CLRN1: variants seen among roughly 807,000 people sequenced by gnomAD.
CLRN1 encodes clarin 1.
In CLRN1, 15 loss-of-function variants were observed where a neutral mutation model predicts 18.7. The ratio of observed to expected loss-of-function variants is 0.80; its 90% CI spans 0.54 to 1.23. The LOEUF (loss-of-function observed/expected upper bound fraction) is 1.23. Ranked by LOEUF, CLRN1 falls within the 50% of genes most tolerant of loss-of-function variation. The pLI is 0.00. For missense variants in CLRN1, 311 were observed against 277.5 expected, an observed-to-expected ratio of 1.12 and a Z score of -0.86; for synonymous variants, 104 against 102.9, an observed-to-expected ratio of 1.01 and a Z score of -0.07.
rs1313040321 is a variant in CLRN1 at position 150,927,650 on chromosome 3, A to G, written c.*286T>C. 1.2e-5 allele frequency: 7 copies of G among 566,950 alleles called. No homozygotes were observed. In the African/African-American group the frequency reaches 1.3e-4, roughly 11 times the overall value. 35.1% of individuals were successfully genotyped at this position (566,950 alleles called of 1,614,324 possible). On this transcript the variant is annotated 3_prime_UTR_variant, in exon 3 of 3. Transcript: ENST00000327047. ...ACATCTTACACACACACACACACAC[A>G]CACACACACATATATATATATGGAG...
intron 1 of CLRN1, among the ~76,000 whole-genome samples, chr3:150,971,188 CT>C (rs751379341): frequency 8.6e-5 from 13 of 151,968 alleles, no homozygotes; most frequent in Non-Finnish European, 1.6e-4. Context: ...TGACATTCTG[CT>C]TTGTTTTCTT....
In CLRN1 at chr3:150,972,718, C is replaced by T. The variant is rs1347735033; in HGVS notation, c.-10G>A. ...TCTGTTGGCTTGGCATGATGAGAAACGGCTTCTGTGAGGGCGAGGTTCAAA... is the reference window on the plus strand; with the variant it reads ...TCTGTTGGCTTGGCATGATGAGAAATGGCTTCTGTGAGGGCGAGGTTCAAA... On this transcript the variant is annotated 5_prime_UTR_variant, in exon 1 of 3. Transcript: ENST00000327047. 20 of 1,614,072 alleles carry T rather than the reference C, an allele frequency of 1.2e-5. No individual in the cohort carries two copies. Among genetic ancestry groups the T allele is most frequent in the Non-Finnish European group, 1.6e-5 (19 of 1,180,056 alleles).
chr3:150,927,803 A>G lies in CLRN1; in HGVS notation c.*133T>C. 8.7e-7 allele frequency: 1 copy of G among 1,146,342 alleles called. No individual in the cohort carries two copies. The highest frequency in any genetic ancestry group is 1.3e-6 in the Non-Finnish European group (1 of 771,210). The allele number at this position is 1,146,342 out of a possible 1,614,324, so 71.0% of individuals were successfully genotyped here. On this transcript the variant is annotated 3_prime_UTR_variant, in exon 3 of 3. Transcript: ENST00000327047. ...TTTCCAGCCTGTATCCTTAGTACGT[A>G]ATTTGTAAACATTGTCACGAAGGGT...
At chr3:150,932,036 T>C (rs76601798) in intron 2 of CLRN1, among the ~76,000 whole-genome samples, 1 of 152,158 alleles carries the variant, frequency 6.6e-6, no homozygotes, top group African/African-American at 2.4e-5. Flanking sequence ...ACCATCTGTC[T>C]GGTACTGTAG....
intron 2 of CLRN1, 127 bp downstream of exon 2, chr3:150,941,455 A>T: frequency 1.0e-6 from 1 of 955,648 alleles, no homozygotes; most frequent in Admixed American, 2.2e-5. Flanking sequence ...ACTTTTTGTT[A>T]TTATGTATAA....
Position 150,926,980 on chromosome 3 carries a change from C to A in CLRN1, c.*956G>T. 6.4e-7 allele frequency: 1 copy of A among 1,572,154 alleles called. No individual in the cohort carries two copies. On this transcript the variant is annotated 3_prime_UTR_variant, in exon 3 of 3. Coordinates refer to ENST00000327047, the MANE Select transcript of CLRN1 (RefSeq NM_174878.3). ...GATGATACAGTGATACCGTCATAAT[C>A]CCAGATTTAATATAATTTTCATAAT...
intron 1 of CLRN1, among the ~76,000 whole-genome samples, chr3:150,955,049 G>T (rs1714672169): frequency 6.6e-6 from 1 of 152,212 alleles, no homozygotes; most frequent in Admixed American, 6.5e-5. Context: ...TCCATGTGAT[G>T]AAATACTAGT....
chr3:150,957,413 C>T (rs1215485224), intron 1 of CLRN1, among the ~76,000 whole-genome samples: 1 of 152,164 alleles, frequency 6.6e-6, no homozygotes, highest in Non-Finnish European at 1.5e-5. Context: ...CCTTCCCCAC[C>T]ACTTCATCAA....
At position 150,931,206 on chromosome 3, in the gene CLRN1, G is replaced by T. The variant is rs964865099; in HGVS notation, c.434-3005C>A. On this transcript the variant is annotated intron_variant, in intron 2 of 2. Coordinates refer to ENST00000327047, the MANE Select transcript of CLRN1 (RefSeq NM_174878.3). Reference sequence around the variant, plus strand: ...ACTATTTATGACTTATGGACCAAAAGATATGCATGAAGAGTTTCTCTTTGT... The same window carrying T: ...ACTATTTATGACTTATGGACCAAAATATATGCATGAAGAGTTTCTCTTTGT... Among the ~76,000 whole-genome samples the T allele has an allele frequency of 2.0e-5, 3 of 152,322 alleles. No individual in the cohort carries two copies. In the East Asian group the frequency reaches 5.8e-4, roughly 29 times the overall value.
At chr3:150,944,165 T>G (rs568448626) in intron 1 of CLRN1, 1 of 396,984 alleles carries the variant, frequency 2.5e-6, no homozygotes, top group Non-Finnish European at 4.8e-6. Flanking sequence ...GAAAGAACTT[T>G]CCAGGGAAAA....
chr3:150,936,093 G>A (rs1188880937), intron 2 of CLRN1, among the ~76,000 whole-genome samples: 1 of 151,966 alleles, frequency 6.6e-6, no homozygotes, highest in Non-Finnish European at 1.5e-5. Context: ...CATTTTGTGG[G>A]TTGCCTGTTC....
intron 1 of CLRN1, among the ~76,000 whole-genome samples, chr3:150,955,011 G>C (rs1210303111): frequency 6.6e-6 from 1 of 152,174 alleles, no homozygotes; most frequent in Non-Finnish European, 1.5e-5. Context: ...TCCATTGACA[G>C]GTGAACAGAT....
At chr3:150,945,762 G>T in intron 1 of CLRN1, 1 of 757,094 alleles carries the variant, frequency 1.3e-6, no homozygotes, top group South Asian at 1.8e-5. Context: ...AAAGCATTTA[G>T]CAATATCCTG....
chr3:150,946,038 A>C (rs934344250), intron 1 of CLRN1, among the ~76,000 whole-genome samples: 1 of 152,254 alleles, frequency 6.6e-6, no homozygotes, highest in Non-Finnish European at 1.5e-5. Flanking sequence ...GCATATTCAT[A>C]CAATGGAATA....
chr3:150,943,784 C>T (rs1162953251), intron 1 of CLRN1: 2 of 1,613,670 alleles, frequency 1.2e-6, no homozygotes, highest in East Asian at 2.2e-5. Context: ...CATTGTAACA[C>T]ACCCTCTGGG....
At position 150,950,912 on chromosome 3, in the gene CLRN1, A is replaced by G. The variant is rs113643551; in HGVS notation, c.254-9151T>C. Among the ~76,000 whole-genome samples, 885 of 152,358 alleles carry G rather than the reference A, an allele frequency of 5.8e-3. 8 individuals are homozygous for G. The highest frequency in any genetic ancestry group is 0.019 in the African/African-American group (804 of 41,582). ...CAACCTAAATGCCCATCAATGACAGACTGGATAAAGAAAATGTGGTACATA... is the reference window on the plus strand; with the variant it reads ...CAACCTAAATGCCCATCAATGACAGGCTGGATAAAGAAAATGTGGTACATA... On this transcript the variant is annotated intron_variant, in intron 1 of 2. Coordinates refer to ENST00000327047, the MANE Select transcript of CLRN1 (RefSeq NM_174878.3).
intron 1 of CLRN1, among the ~76,000 whole-genome samples, chr3:150,947,997 CA>C (rs913877062): frequency 2.4e-4 from 36 of 152,210 alleles, no homozygotes; most frequent in African/African-American, 8.4e-4. Context: ...ATTAGAGAAG[CA>C]AGAACAAGTC....
At chr3:150,947,411 G>GTTCTTAGA (rs1393486888) in intron 1 of CLRN1, among the ~76,000 whole-genome samples, 1 of 152,114 alleles carries the variant, frequency 6.6e-6, no homozygotes, top group African/African-American at 2.4e-5. Flanking sequence ...CATAAAGCAA[G>GTTCTTAGA]TTCTTAGAGA....
rs190788128 is a variant in CLRN1 at position 150,956,639 on chromosome 3, A to C, written c.254-14878T>G. 6.8e-4 allele frequency among the ~76,000 whole-genome samples: 103 copies of C among 152,296 alleles called. 1 individual carries two copies. The highest frequency in any genetic ancestry group is 2.5e-3 in the African/African-American group (102 of 41,560). ...TAAGTTAATGACTCGGAGTGAAAACAGTGATAGGGATGCTCTCATAGGAAA... is the reference window on the plus strand; with the variant it reads ...TAAGTTAATGACTCGGAGTGAAAACCGTGATAGGGATGCTCTCATAGGAAA... On this transcript the variant is annotated intron_variant, in intron 1 of 2. Coordinates refer to ENST00000327047, the MANE Select transcript of CLRN1 (RefSeq NM_174878.3).
Sources: gnomAD v4.1 joint callset for allele counts (sites outside exome capture counted in the v4.1 genomes callset) on GRCh38, gnomAD v4.1.1 for gene constraint, MANE v1.5 for transcripts, NCBI Gene and HGNC (gene_info 2026-07-23, HGNC 2026-07-21) for gene names.